Variants in MACROD2 observed in about 807,000 individuals in gnomAD.
MACROD2 encodes mono-ADP ribosylhydrolase 2, also known as ADP-ribose glycohydrolase MACROD2.
In MACROD2, 36 loss-of-function variants were observed where a neutral mutation model predicts 70.4. The ratio of observed to expected loss-of-function variants is 0.51; its 90% confidence interval spans 0.39 to 0.68. MACROD2 has a LOEUF of 0.68. Ranked by LOEUF, MACROD2 falls within the 30% of genes least tolerant of loss-of-function variation. MACROD2 has a pLI of 0.00. For missense variants in MACROD2, 496 were observed against 538.4 expected, an observed-to-expected ratio of 0.92 and a Z score of 0.78; for synonymous variants, 172 against 178.8, an observed-to-expected ratio of 0.96 and a Z score of 0.30.
chr20:15,991,584 G>A (rs1402498087), intron 15 of MACROD2, among the ~76,000 whole-genome samples: 1 of 152,152 alleles, frequency 6.6e-6, no homozygotes, highest in Non-Finnish European at 1.5e-5. Flanking sequence ...CATTGCTCAG[G>A]CATATTTTTG....
At chr20:15,634,191 G>A (rs2049332043) in intron 8 of MACROD2, among the ~76,000 whole-genome samples, 1 of 152,194 alleles carries the variant, frequency 6.6e-6, no homozygotes, top group Admixed American at 6.5e-5. Context: ...TAAAATAGCA[G>A]TTTGAATCAT....
At chr20:15,407,479 G>T (rs1436215642) in intron 6 of MACROD2, among the ~76,000 whole-genome samples, 1 of 152,190 alleles carries the variant, frequency 6.6e-6, no homozygotes, top group Non-Finnish European at 1.5e-5. Flanking sequence ...TAGTCTCAAT[G>T]TCTGGTTTTG....
chr20:14,671,250 G>T (rs1475690834), intron 4 of MACROD2, among the ~76,000 whole-genome samples: 1 of 152,028 alleles, frequency 6.6e-6, no homozygotes, highest in African/African-American at 2.4e-5. Flanking sequence ...GCATGAACTA[G>T]GTCTTAAAAT....
intron 5 of MACROD2, among the ~76,000 whole-genome samples, chr20:15,068,478 G>A (rs1356819303): frequency 6.6e-6 from 1 of 152,160 alleles, no homozygotes. Flanking sequence ...TTGGAGGTGG[G>A]GGTCTAGTGG....
At chr20:15,260,991 T>A (rs925273570) in intron 6 of MACROD2, among the ~76,000 whole-genome samples, 1 of 151,992 alleles carries the variant, frequency 6.6e-6, no homozygotes, top group Non-Finnish European at 1.5e-5. Context: ...TGCAGTATTT[T>A]TTCCAGGAAG....
intron 5 of MACROD2, among the ~76,000 whole-genome samples, chr20:15,147,252 G>C (rs1370752426): frequency 6.6e-6 from 1 of 152,142 alleles, no homozygotes; most frequent in Non-Finnish European, 1.5e-5. Flanking sequence ...TGAAATGACA[G>C]AGATTGAGTG....
intron 8 of MACROD2, among the ~76,000 whole-genome samples, chr20:15,606,722 G>A (rs1416225533): frequency 2.6e-5 from 4 of 152,172 alleles, no homozygotes; most frequent in Non-Finnish European, 5.9e-5. Context: ...TGGGGAACTG[G>A]CTAGGCGCAG....
At chr20:15,592,229 A>G (rs1319712506) in intron 8 of MACROD2, among the ~76,000 whole-genome samples, 1 of 152,250 alleles carries the variant, frequency 6.6e-6, no homozygotes, top group Non-Finnish European at 1.5e-5. Flanking sequence ...GTGTAAATAC[A>G]TGTCAAGTAT....
At chr20:14,027,400 A>G (rs970473570) in intron 2 of MACROD2, among the ~76,000 whole-genome samples, 1 of 152,040 alleles carries the variant, frequency 6.6e-6, no homozygotes, top group African/African-American at 2.4e-5. Context: ...GCATTGGGTT[A>G]GAGCATGCTT....
chr20:14,979,598 T>G (rs1406820037), intron 5 of MACROD2, among the ~76,000 whole-genome samples: 1 of 152,194 alleles, frequency 6.6e-6, no homozygotes, highest in Non-Finnish European at 1.5e-5. Context: ...GAAAAAGAAA[T>G]GGGTTCTTGA....
chr20:14,551,367 C>G (rs1226275448), intron 4 of MACROD2, among the ~76,000 whole-genome samples: 1 of 151,908 alleles, frequency 6.6e-6, no homozygotes, highest in African/African-American at 2.4e-5. Flanking sequence ...GAAAAGATGG[C>G]ATTGCTTTCA....
chr20:14,654,988 A>G (rs556788980), intron 4 of MACROD2, among the ~76,000 whole-genome samples: 1 of 152,326 alleles, frequency 6.6e-6, no homozygotes, highest in African/African-American at 2.4e-5. Flanking sequence ...CACAGAAAGC[A>G]ATTACTAGGA....
At chr20:14,680,450 G>A (rs1235460626) in intron 4 of MACROD2, among the ~76,000 whole-genome samples, 3 of 152,120 alleles carry the variant, frequency 2.0e-5, no homozygotes, top group Admixed American at 6.6e-5. Context: ...CTGGCATTAA[G>A]GGATTTATCA....
At chr20:15,496,890 A>C (rs1256052170) in intron 7 of MACROD2, among the ~76,000 whole-genome samples, 2 of 152,096 alleles carry the variant, frequency 1.3e-5, no homozygotes, top group Non-Finnish European at 2.9e-5. Flanking sequence ...GGCTTGCAGG[A>C]TAGATTGGAG....
intron 3 of MACROD2, among the ~76,000 whole-genome samples, chr20:14,169,090 T>C (rs2148722883): frequency 6.6e-6 from 1 of 152,178 alleles, no homozygotes. Context: ...ATAAACAGGA[T>C]TAAGAACAAA....
chr20:14,377,078 T>C (rs1403716937), intron 3 of MACROD2, among the ~76,000 whole-genome samples: 1 of 152,148 alleles, frequency 6.6e-6, no homozygotes, highest in Non-Finnish European at 1.5e-5. Context: ...AGCAAGTCAC[T>C]CCTAGCCTTT....
At chr20:15,859,008 C>T (rs1035237678) in intron 8 of MACROD2, among the ~76,000 whole-genome samples, 3 of 152,014 alleles carry the variant, frequency 2.0e-5, no homozygotes, top group Non-Finnish European at 2.9e-5. Context: ...TGACTAGAAG[C>T]CTTACAGATA....
chr20:15,629,560 C>T lies in MACROD2; in HGVS notation c.645+129713C>T, dbSNP rs190307687. On this transcript the variant is annotated intron_variant, in intron 8 of 17. Transcript: ENST00000684519. ...AACCTCTCCTGATATTTAATCAGTG[C>T]TCTTTCCACATCTTTCAGCCAAATA... 3.6e-3 allele frequency among the ~76,000 whole-genome samples: 549 copies of T among 152,362 alleles called. 2 individuals are homozygous for T. The highest frequency in any genetic ancestry group is 5.1e-3 in the Non-Finnish European group (345 of 68,038).
intron 5 of MACROD2, among the ~76,000 whole-genome samples, chr20:14,904,579 T>A (rs1406761996): frequency 6.6e-6 from 1 of 152,178 alleles, no homozygotes; most frequent in Admixed American, 6.5e-5. Flanking sequence ...ACAGTGGAGA[T>A]AAACTCATAA....
Sources: allele counts gnomAD v4.1 joint callset (sites outside exome capture counted in the v4.1 genomes callset), GRCh38; gene constraint gnomAD v4.1.1; transcripts MANE v1.5; gene names NCBI Gene and HGNC (gene_info 2026-07-23, HGNC 2026-07-21).